Variants in PHKA2 observed in about 807,000 individuals in gnomAD.
PHKA2 encodes the protein phosphorylase kinase regulatory subunit alpha 2.
In PHKA2, 31 loss-of-function variants were observed where a neutral mutation model predicts 102.0. The observed-to-expected ratio is 0.30, with a 90% CI of 0.23 to 0.41. The LOEUF (loss-of-function observed/expected upper bound fraction) is 0.41. Ranked by LOEUF, PHKA2 falls within the 10% of genes least tolerant of loss-of-function variation. The probability of loss-of-function intolerance (pLI) is 1.00; values close to 1 mark genes in which losing one functional copy is unlikely to be tolerated. For synonymous variants in PHKA2, 455 were observed against 416.2 expected, an observed-to-expected ratio of 1.09 and a Z score of -1.13; for missense variants, 858 against 1,023.1, an observed-to-expected ratio of 0.84 and a Z score of 2.20.
chrX:18,983,956 G>A lies in PHKA2; in HGVS notation c.-24C>T, dbSNP rs186848251. On this transcript the variant is annotated 5_prime_UTR_variant, in exon 1 of 33. Coordinates refer to ENST00000379942, the MANE Select transcript of PHKA2 (RefSeq NM_000292.3). ...ATCTCCCCGAGGCTCCCAGGCCGCAGCGCCCGATCTGCCGCGTGGGCGCGG... is the reference window on the plus strand; with the variant it reads ...ATCTCCCCGAGGCTCCCAGGCCGCAACGCCCGATCTGCCGCGTGGGCGCGG... The A allele has an allele frequency of 4.6e-3, 5,481 of 1,182,891 alleles. 17 individuals carry two copies. The highest frequency in any genetic ancestry group is 5.7e-3 in the Non-Finnish European group (4,983 of 869,790).
rs149173226 is a variant in PHKA2 at position 18,980,983 on chromosome X, A to G, written c.78+2872T>C. 6.2e-3 allele frequency among the ~76,000 whole-genome samples: 695 copies of G among 112,435 alleles called. 5 individuals are homozygous for G. Among genetic ancestry groups the G allele is most frequent in the African/African-American group, 0.021 (661 of 30,969 alleles). On this transcript the variant is annotated intron_variant, in intron 1 of 32. Transcript: ENST00000379942. ...ACTTGTTACCAGCTGACACTAAAAA[A>G]AATGCCTCCTAAACATCTGCACAAA...
At chrX:18,902,553 G>C (rs1238574093) in intron 26 of PHKA2, among the ~76,000 whole-genome samples, 1 of 107,601 alleles carries the variant, frequency 9.3e-6, no homozygotes, top group East Asian at 3.0e-4. Flanking sequence ...CCTGAGGCCG[G>C]GATTTCGAGA....
At chrX:18,949,693 C>T (rs774606852) in intron 4 of PHKA2, among the ~76,000 whole-genome samples, 68 of 112,189 alleles carry the variant, frequency 6.1e-4, no homozygotes, top group Admixed American at 2.2e-3. Context: ...TTTATGTGTA[C>T]AATGTGACCT....
chrX:18,918,806 G>C lies in PHKA2; in HGVS notation c.2012C>G (p.Thr671Arg). Reference protein sequence around the residue: ...DHYINHLLQSTSLRSYLPPLC... With the variant: ...DHYINHLLQSRSLRSYLPPLC... ...AGGAGGCAGATAGGACCTCAACGAT[G>C]TGCTTTGCAGAAGGTGGTTGATATA... Residue 671 changes from threonine (T) to arginine (R), a missense_variant, in exon 19 of 33, where the codon ACA (threonine) becomes AGA (arginine). This residue lies in a region of PHKA2 where 671 missense variants were observed against 745.2 expected (regional missense o/e 0.90). Transcript: ENST00000379942. The C allele has an allele frequency of 8.3e-7, 1 of 1,210,818 alleles. No individual in the cohort carries two copies. Among genetic ancestry groups the C allele is most frequent in the Non-Finnish European group, 1.1e-6 (1 of 894,649 alleles).
chrX:18,929,111 T>C (rs2048267382), intron 13 of PHKA2, 117 bp downstream of exon 13: 1 of 534,948 alleles, frequency 1.9e-6, no homozygotes, highest in Non-Finnish European at 3.3e-6. Flanking sequence ...TGCTACATGC[T>C]AAAGCATAGG....
At position 18,905,417 on chromosome X, in the gene PHKA2, C is replaced by T. The variant is rs751259878; in HGVS notation, c.2908+341G>A. On this transcript the variant is annotated intron_variant, in intron 26 of 32. Transcript: ENST00000379942. Reference sequence around the variant, plus strand: ...GTCTCAAACTCCTGACCTCGTCATCCGCCCACCTCAGCCTCCCAAAGTGCT... The same window carrying T: ...GTCTCAAACTCCTGACCTCGTCATCTGCCCACCTCAGCCTCCCAAAGTGCT... Among the ~76,000 whole-genome samples the T allele has an allele frequency of 6.3e-5, 7 of 111,790 alleles. No individual in the cohort carries two copies. The South Asian group carries it at 1.9e-3, about 31-fold the overall frequency.
At chrX:18,954,489 G>C in intron 1 of PHKA2, 77 bp from the exon 2 acceptor site, 1 of 1,006,697 alleles carries the variant, frequency 9.9e-7, no homozygotes, top group Non-Finnish European at 1.4e-6. Flanking sequence ...TGTCCTAACA[G>C]GGTAGATGAG....
chrX:18,908,723 A>C (rs2047869184), intron 21 of PHKA2, 78 bp downstream of exon 21: 18 of 905,895 alleles, frequency 2.0e-5, no homozygotes, highest in Non-Finnish European at 2.9e-5. Context: ...GAACTGTGAG[A>C]AATTCATTTC....
chrX:18,970,147 G>C (rs367599001), intron 1 of PHKA2, among the ~76,000 whole-genome samples: 1 of 112,116 alleles, frequency 8.9e-6, no homozygotes, highest in Non-Finnish European at 1.9e-5. Flanking sequence ...GCTGAGGTGG[G>C]AGGATCACTT....
At chrX:18,908,688 T>G in intron 21 of PHKA2, 113 bp downstream of exon 21, 1 of 677,262 alleles carries the variant, frequency 1.5e-6, no homozygotes, top group East Asian at 3.3e-5. Context: ...CAAATCGGCC[T>G]TGAGTTTCAA....
At chrX:18,909,650 G>T (rs149410337) in intron 20 of PHKA2, among the ~76,000 whole-genome samples, 119 of 112,340 alleles carry the variant, frequency 1.1e-3, no homozygotes, top group African/African-American at 3.6e-3. Context: ...TCCTTGTCCT[G>T]TCCTAGCTTC....
chrX:18,921,311 C>T lies in PHKA2; in HGVS notation c.1794-1110G>A, dbSNP rs191183657. On this transcript the variant is annotated intron_variant, in intron 17 of 32. Transcript: ENST00000379942. ...GGGTGTGGTGGCAGGCATCTGTAAT[C>T]CCAGGTACTTGAGAGGCTGAGACAG... Among the ~76,000 whole-genome samples the T allele has an allele frequency of 7.7e-4, 86 of 110,974 alleles. No homozygotes were observed. In the Middle Eastern group the frequency reaches 0.023, roughly 30 times the overall value.
At chrX:18,965,011 T>C (rs1035786004) in intron 1 of PHKA2, among the ~76,000 whole-genome samples, 20 of 112,288 alleles carry the variant, frequency 1.8e-4, no homozygotes, top group African/African-American at 6.5e-4. Flanking sequence ...TCCGAGGTAT[T>C]TGCACCATCT....
In PHKA2 at chrX:18,903,695, T is replaced by G. The variant is rs745922655; in HGVS notation, c.2908+2063A>C. Among the ~76,000 whole-genome samples, 5 of 112,164 alleles carry G rather than the reference T, an allele frequency of 4.5e-5. No individual in the cohort carries two copies. In the East Asian group the frequency reaches 1.4e-3, roughly 31 times the overall value. On this transcript the variant is annotated intron_variant, in intron 26 of 32. Coordinates refer to ENST00000379942, the MANE Select transcript of PHKA2 (RefSeq NM_000292.3). Reference sequence around the variant, plus strand: ...GGAGGTGGAGGCAACCAGAGGCCACTGATGCACTGCACCAGGCCACCACCT... The same window carrying G: ...GGAGGTGGAGGCAACCAGAGGCCACGGATGCACTGCACCAGGCCACCACCT...
chrX:18,922,908 G>A (rs989791532), intron 17 of PHKA2, among the ~76,000 whole-genome samples: 2 of 110,521 alleles, frequency 1.8e-5, no homozygotes, highest in African/African-American at 6.6e-5. Flanking sequence ...GAGTGTCCCT[G>A]GGGTGAGAGG....
chrX:18,961,076 G>A (rs751498675), intron 1 of PHKA2, among the ~76,000 whole-genome samples: 15 of 111,997 alleles, frequency 1.3e-4, no homozygotes, highest in African/African-American at 4.9e-4. Context: ...ACCATATTGA[G>A]TCTTCTGATC....
At position 18,893,576 on chromosome X, in the gene PHKA2, C is replaced by G. The variant is rs374881210; in HGVS notation, c.3617G>C (p.Ser1206Thr). ...GTAGGTCATCGTCCCATAAGCCCCA[C>G]TCGGAGCGCTGTCATAAAAGAAGTG... ...ICHFFYDSAP[S>T]GAYGTMTYLT... Residue 1206 changes from serine to threonine, a missense_variant, in exon 33 of 33, where the codon AGT becomes ACT. Coordinates refer to ENST00000379942, the MANE Select transcript of PHKA2 (RefSeq NM_000292.3). 9.9e-6 allele frequency: 12 copies of G among 1,209,863 alleles called. No homozygotes were observed. In the African/African-American group the frequency reaches 1.9e-4, roughly 19 times the overall value.
Position 18,906,635 on chromosome X carries a change from C to T in PHKA2, c.2677-11G>A. 8.4e-7 allele frequency: 1 copy of T among 1,196,985 alleles called. No individual in the cohort carries two copies. Among genetic ancestry groups the T allele is most frequent in the Non-Finnish European group, 1.1e-6 (1 of 881,688 alleles). On this transcript the variant is annotated splice_polypyrimidine_tract_variant and intron_variant, in intron 24 of 32. Transcript: ENST00000379942. ...GTAAACCACAATCTCCTGAGGCAGA[C>T]ACACACGGAGATAGGGTTTCAGAGA... is the stretch of plus-strand genomic sequence containing the variant.
At position 18,971,319 on chromosome X, in the gene PHKA2, G is replaced by C. The variant is rs72616074; in HGVS notation, c.78+12536C>G. On this transcript the variant is annotated intron_variant, in intron 1 of 32. Coordinates refer to ENST00000379942, the MANE Select transcript of PHKA2 (RefSeq NM_000292.3). ...TGCTTTACTTTCTCAGATTGCTAGTGAAGTTGAGCCATCTTTTAGCCCGTT... is the reference window on the plus strand; with the variant it reads ...TGCTTTACTTTCTCAGATTGCTAGTCAAGTTGAGCCATCTTTTAGCCCGTT... Among the ~76,000 whole-genome samples the C allele has an allele frequency of 2.5e-3, 283 of 112,183 alleles. 1 individual carries two copies. The East Asian group carries it at 0.05, about 20-fold the overall frequency.
Sources: gnomAD v4.1 joint callset for allele counts (sites outside exome capture counted in the v4.1 genomes callset) on GRCh38, gnomAD v4.1.1 for gene constraint, gnomAD v4.1.1 regional missense constraint, MANE v1.5 for transcripts, NCBI Gene and HGNC (gene_info 2026-07-23, HGNC 2026-07-21) for gene names.